The following WLS variants were observed in gnomAD, a reference collection of about 807,000 sequenced individuals.
WLS encodes protein wntless homolog.
WLS carries 23 observed loss-of-function variants against 62.8 expected under a neutral mutation model. The ratio of observed to expected loss-of-function variants is 0.37; its 90% confidence interval spans 0.26 to 0.52. WLS has a LOEUF of 0.52. WLS is among the 20% of genes least tolerant of loss of function. The pLI is 0.92. For synonymous variants in WLS, 246 were observed against 244.1 expected (o/e 1.01, Z -0.07); for missense variants, 615 against 697.3 (o/e 0.88, Z 1.33).
At chr1:68,129,576 A>G (rs1403574391) in intron 11 of WLS, among the ~76,000 whole-genome samples, 1 of 150,720 alleles carries the variant, frequency 6.6e-6, no homozygotes, top group Non-Finnish European at 1.5e-5. Flanking sequence ...ATGGGACTCC[A>G]TGCACCAAAA....
chr1:68,153,367 C>A, intron 5 of WLS, 150 bp downstream of exon 5: 1 of 962,334 alleles, frequency 1.0e-6, no homozygotes, highest in African/African-American at 1.7e-5. Flanking sequence ...AGGAAAACTG[C>A]AGGAGAAAAA....
intron 1 of WLS, among the ~76,000 whole-genome samples, chr1:68,196,669 C>T (rs146161875): frequency 2.6e-5 from 4 of 152,078 alleles, no homozygotes; most frequent in Non-Finnish European, 2.9e-5. Flanking sequence ...CCTATTAATA[C>T]TTACCAGAAA....
At chr1:68,220,018 G>A (rs1295696358) in intron 1 of WLS, among the ~76,000 whole-genome samples, 1 of 152,142 alleles carries the variant, frequency 6.6e-6, no homozygotes, top group Non-Finnish European at 1.5e-5. Context: ...AAAAAGTCAT[G>A]CTACCTGGGC....
chr1:68,109,744 A>C (rs1646196946), intron 11 of WLS, among the ~76,000 whole-genome samples: 1 of 152,138 alleles, frequency 6.6e-6, no homozygotes, highest in African/African-American at 2.4e-5. Context: ...TTCCAAGTAA[A>C]GATAATATAT....
intron 8 of WLS, among the ~76,000 whole-genome samples, 167 bp from the exon 9 acceptor site, chr1:68,146,179 G>A (rs547392201): frequency 6.6e-6 from 1 of 152,254 alleles, no homozygotes; most frequent in Non-Finnish European, 1.5e-5. Context: ...CCAATGATAG[G>A]TTTCTTGACA....
chr1:68,224,793 T>G (rs1232286161), intron 1 of WLS, among the ~76,000 whole-genome samples: 1 of 152,034 alleles, frequency 6.6e-6, no homozygotes, highest in African/African-American at 2.4e-5. Flanking sequence ...GGATTGAGCT[T>G]TCATCTTCTG....
chr1:68,117,972 GAAA>G (rs11346016), intron 11 of WLS, among the ~76,000 whole-genome samples: 3 of 149,162 alleles, frequency 2.0e-5, no homozygotes, highest in Non-Finnish European at 3.0e-5. Flanking sequence ...GAATTGATGA[GAAA>G]AAAAAAACAG....
At chr1:68,109,843 A>G (rs1293776937) in intron 11 of WLS, among the ~76,000 whole-genome samples, 1 of 152,042 alleles carries the variant, frequency 6.6e-6, no homozygotes, top group Non-Finnish European at 1.5e-5. Flanking sequence ...ACCCACAAGA[A>G]TGGGCAAAAT....
In WLS at chr1:68,098,682, TGAACAATTCTTGATAAAGTTCC is replaced by T; in HGVS notation, c.1560_1581del (p.Glu521AlafsTer55). On this transcript the variant is annotated frameshift_variant, in exon 12 of 12. Transcript: ENST00000354777. LOFTEE classifies it low-confidence loss of function (END_TRUNC). ...TTGATGAAGGAATATTTCGAAGCGC[TGAACAATTCTTGATAAAGTTCC>T]GAAACAAACAAAGCACAATCTTCCC... 2 of 1,614,086 alleles carry T rather than the reference TGAACAATTCTTGATAAAGTTCC, an allele frequency of 1.2e-6. No homozygotes were observed. Among genetic ancestry groups the T allele is most frequent in the Non-Finnish European group, 1.7e-6 (2 of 1,179,964 alleles).
At chr1:68,199,610 ATC>A (rs1648888723) in intron 1 of WLS, among the ~76,000 whole-genome samples, 1 of 152,214 alleles carries the variant, frequency 6.6e-6, no homozygotes, top group Non-Finnish European at 1.5e-5. Context: ...TACTACTCTT[ATC>A]TCTGTGTCCA....
At chr1:68,163,212 T>C in intron 2 of WLS, 1 of 630,946 alleles carries the variant, frequency 1.6e-6, no homozygotes, top group Non-Finnish European at 2.8e-6. Flanking sequence ...CTGTACACAC[T>C]ATAAATCTGT....
Position 68,221,728 on chromosome 1 carries a change from A to G in WLS, c.106+10466T>C, listed in dbSNP as rs1259283440. Among the ~76,000 whole-genome samples the G allele has an allele frequency of 3.3e-5, 5 of 152,366 alleles. No homozygotes were observed. The East Asian group carries it at 9.6e-4, about 29-fold the overall frequency. ...AGGCAAGCTTGTTAAACAGAGACTT[A>G]AAAGTCAAGATTTATTTCAGCTAAA... On this transcript the variant is annotated intron_variant, in intron 1 of 11. Coordinates refer to ENST00000262348, the MANE Select transcript of WLS (RefSeq NM_024911.7).
chr1:68,138,015 A>G, intron 10 of WLS, 82 bp from the exon 11 acceptor site: 1 of 1,531,634 alleles, frequency 6.5e-7, no homozygotes, highest in Non-Finnish European at 8.9e-7. Context: ...ACCAACCAAC[A>G]TGAAAACCAA....
At chr1:68,151,607 A>G (rs1646827300) in intron 5 of WLS, among the ~76,000 whole-genome samples, 1 of 151,986 alleles carries the variant, frequency 6.6e-6, no homozygotes, top group Non-Finnish European at 1.5e-5. Context: ...AGCATCATGA[A>G]AAAAAAAGCT....
intron 11 of WLS, among the ~76,000 whole-genome samples, chr1:68,106,744 G>GTGTGTGTGTGTGTGTA (rs1364869078): frequency 1.3e-5 from 2 of 149,480 alleles, no homozygotes; most frequent in African/African-American, 5.1e-5. Flanking sequence ...GTGTGTGTGT[G>GTGTGTGTGTGTGTGTA]TGTGTGTATG....
rs1036350796 is a variant in WLS at position 68,162,319 on chromosome 1, A to G, written c.380-3072T>C. On this transcript the variant is annotated intron_variant, in intron 2 of 11. Coordinates refer to ENST00000262348, the MANE Select transcript of WLS (RefSeq NM_024911.7). ...GAATGCTCCCTGCCTCATCTGCTTT[A>G]TGGTAAAGTCATTGATGAGGTGGTG... 2.4e-5 allele frequency: 39 copies of G among 1,613,484 alleles called. No homozygotes were observed. In the African/African-American group the frequency reaches 4.8e-4, roughly 20 times the overall value.
At chr1:68,140,261 A>G (rs1031022753) in intron 10 of WLS, among the ~76,000 whole-genome samples, 1 of 152,190 alleles carries the variant, frequency 6.6e-6, no homozygotes, top group African/African-American at 2.4e-5. Flanking sequence ...GGTATTCTTA[A>G]CCATTATACA....
chr1:68,128,030 GC>G (rs1286518091), intron 11 of WLS, among the ~76,000 whole-genome samples: 16 of 152,284 alleles, frequency 1.1e-4, no homozygotes, highest in African/African-American at 3.6e-4. Flanking sequence ...AGATTCCCTG[GC>G]CTCAGAAGCA....
At chr1:68,133,221 CATAAAA>C (rs1464280281) in intron 11 of WLS, among the ~76,000 whole-genome samples, 2 of 152,136 alleles carry the variant, frequency 1.3e-5, no homozygotes, top group African/African-American at 4.8e-5. Context: ...ATTCTATGTA[CATAAAA>C]ATAAAATGAT....
Sources: allele counts gnomAD v4.1 joint callset (sites outside exome capture counted in the v4.1 genomes callset), GRCh38; gene constraint gnomAD v4.1.1; transcripts MANE v1.5; gene names NCBI Gene and HGNC (gene_info 2026-07-23, HGNC 2026-07-21).